SLC25A26: variants seen among roughly 807,000 people sequenced by gnomAD.
SLC25A26 encodes mitochondrial S-adenosylmethionine carrier protein.
In SLC25A26, 36 loss-of-function variants were observed where a neutral mutation model predicts 37.8. The observed-to-expected ratio is 0.95, with a 90% CI of 0.73 to 1.26. The LOEUF is 1.26. Among genes scored for constraint, SLC25A26 ranks in the 50% most tolerant of loss-of-function variants. SLC25A26 has a pLI of 0.00. For synonymous variants in SLC25A26, 129 were observed against 122.5 expected (o/e 1.05, Z -0.35); for missense variants, 390 against 331.1 (o/e 1.18, Z -1.38).
intron 1 of SLC25A26, among the ~76,000 whole-genome samples, chr3:66,142,878 C>T (rs1335998179): frequency 6.6e-6 from 1 of 152,150 alleles, no homozygotes; most frequent in African/African-American, 2.4e-5. Flanking sequence ...GTCCTCCCAC[C>T]TCAGCCTCCT....
intron 5 of SLC25A26, among the ~76,000 whole-genome samples, chr3:66,267,993 T>G (rs1374865501): frequency 2.0e-5 from 3 of 152,186 alleles, no homozygotes; most frequent in Admixed American, 2.0e-4. Flanking sequence ...CGAACACTCA[T>G]GTTATATAAG....
At chr3:66,190,544 T>G (rs1165059483) in intron 1 of SLC25A26, among the ~76,000 whole-genome samples, 3 of 152,158 alleles carry the variant, frequency 2.0e-5, no homozygotes, top group African/African-American at 7.2e-5. Context: ...TTTTCCTGCC[T>G]CAGCCTCCCA....
At chr3:66,212,763 T>G (rs2071301773) in intron 1 of SLC25A26, among the ~76,000 whole-genome samples, 1 of 152,230 alleles carries the variant, frequency 6.6e-6, no homozygotes, top group Non-Finnish European at 1.5e-5. Flanking sequence ...ACTGGCTTAT[T>G]TTGCTTAGCA....
At chr3:66,143,886 CA>C (rs1405649767) in intron 1 of SLC25A26, among the ~76,000 whole-genome samples, 3 of 151,936 alleles carry the variant, frequency 2.0e-5, no homozygotes, top group Non-Finnish European at 4.4e-5. Context: ...GTCTCAAAAA[CA>C]AAATTAATAA....
At chr3:66,308,045 A>T (rs965200706) in intron 5 of SLC25A26, among the ~76,000 whole-genome samples, 5 of 152,102 alleles carry the variant, frequency 3.3e-5, no homozygotes, top group African/African-American at 1.2e-4. Context: ...AAGAAAGTCA[A>T]TGGTAGCTTG....
chr3:66,229,321 A>G (rs782401168), intron 1 of SLC25A26, among the ~76,000 whole-genome samples: 16 of 152,184 alleles, frequency 1.1e-4, no homozygotes, highest in Non-Finnish European at 2.1e-4. Flanking sequence ...TAGAGAGGTT[A>G]GTTTCCCTAA....
At chr3:66,251,765 C>T (rs2073093780) in intron 3 of SLC25A26, among the ~76,000 whole-genome samples, 1 of 152,130 alleles carries the variant, frequency 6.6e-6, no homozygotes, top group Admixed American at 6.5e-5. Context: ...CCCAGTTTCT[C>T]GATGAGTTCC....
At chr3:66,249,678 A>G (rs1453826602) in intron 3 of SLC25A26, among the ~76,000 whole-genome samples, 2 of 152,248 alleles carry the variant, frequency 1.3e-5, no homozygotes, top group South Asian at 2.1e-4. Flanking sequence ...AATACAGATT[A>G]TCTCTCCCTT....
At chr3:66,268,930 T>C (rs924775620) in intron 5 of SLC25A26, among the ~76,000 whole-genome samples, 1 of 152,228 alleles carries the variant, frequency 6.6e-6, no homozygotes, top group Non-Finnish European at 1.5e-5. Context: ...GTAAGTTGCC[T>C]GAGGCTCCCC....
At chr3:66,350,270 A>T (rs753404577) in intron 6 of SLC25A26, among the ~76,000 whole-genome samples, 12 of 152,162 alleles carry the variant, frequency 7.9e-5, no homozygotes, top group Non-Finnish European at 1.6e-4. Context: ...GTTACCTTAA[A>T]TTCAACTCTG....
chr3:66,187,060 C>T lies in SLC25A26; in HGVS notation c.-353-33682C>T, dbSNP rs1025015155. Among the ~76,000 whole-genome samples the T allele has an allele frequency of 2.1e-3, 324 of 152,022 alleles. 2 individuals carry two copies. The highest frequency in any genetic ancestry group is 0.021 in the Admixed American group (313 of 15,264). On this transcript the variant is annotated intron_variant, in intron 1 of 10. Transcript: ENST00000676754. The stretch of plus-strand genomic sequence containing the variant: ...TACTATTCTCACATCAGCCCTGATC[C>T]TCAACTTCACCCAGAGCCTTGGCCA...
intron 1 of SLC25A26, among the ~76,000 whole-genome samples, chr3:66,142,340 G>C (rs1445160101): frequency 6.6e-6 from 1 of 152,180 alleles, no homozygotes; most frequent in Non-Finnish European, 1.5e-5. Flanking sequence ...TGGTGTTCAG[G>C]ACCCACTACC....
intron 1 of SLC25A26, among the ~76,000 whole-genome samples, chr3:66,184,590 C>CACCTTGAGTTTACTATGTATTACATGCTT (rs2070783713): frequency 6.6e-6 from 1 of 152,272 alleles, no homozygotes; most frequent in Non-Finnish European, 1.5e-5. Flanking sequence ...TGACTCTGCT[C>CACCTTGAGTTTACTATGTATTACATGCTT]ACCTTGAGTT....
chr3:66,358,066 T>A (rs2076616865), intron 6 of SLC25A26, among the ~76,000 whole-genome samples: 2 of 152,252 alleles, frequency 1.3e-5, no homozygotes, highest in South Asian at 4.1e-4. Context: ...TTTATATTGT[T>A]ACCTGTACTA....
At chr3:66,135,734 A>C (rs1201636331) in intron 1 of SLC25A26, among the ~76,000 whole-genome samples, 1 of 152,156 alleles carries the variant, frequency 6.6e-6, no homozygotes, top group Non-Finnish European at 1.5e-5. Flanking sequence ...GCACCACTGC[A>C]CTCCAGCCTG....
chr3:66,197,024 A>G (rs1034234225), intron 1 of SLC25A26, among the ~76,000 whole-genome samples: 272 of 152,180 alleles, frequency 1.8e-3, no homozygotes, highest in African/African-American at 5.8e-3. Flanking sequence ...GGTCTTTTGT[A>G]TATTTTTTTA....
chr3:66,214,592 A>C (rs2071333273), intron 1 of SLC25A26, among the ~76,000 whole-genome samples: 1 of 152,154 alleles, frequency 6.6e-6, no homozygotes, highest in Admixed American at 6.5e-5. Flanking sequence ...ATATTTTTTA[A>C]CATGTTCATT....
intron 5 of SLC25A26, among the ~76,000 whole-genome samples, chr3:66,271,128 A>G (rs140910769): frequency 2.1e-3 from 320 of 152,294 alleles, no homozygotes; most frequent in African/African-American, 7.2e-3. Context: ...ACCATAAACC[A>G]TAGTGTTGAA....
At chr3:66,233,074 G>A (rs2072109657) in intron 1 of SLC25A26, among the ~76,000 whole-genome samples, 1 of 152,202 alleles carries the variant, frequency 6.6e-6, no homozygotes, top group South Asian at 2.1e-4. Context: ...CTGTCGTTTA[G>A]GCCAGTGGCC....
Sources: allele counts gnomAD v4.1 joint callset (sites outside exome capture counted in the v4.1 genomes callset), GRCh38; gene constraint gnomAD v4.1.1; transcripts MANE v1.5; gene names NCBI Gene and HGNC (gene_info 2026-07-23, HGNC 2026-07-21).